Variants in ZNF362 observed in about 807,000 individuals in gnomAD.
The protein encoded by ZNF362 is rotund homolog.
ZNF362 carries 11 observed loss-of-function variants against 42.9 expected under a neutral mutation model. The ratio of observed to expected loss-of-function variants is 0.26; its 90% confidence interval spans 0.16 to 0.42. The LOEUF (loss-of-function observed/expected upper bound fraction) is 0.42. Ranked by LOEUF, ZNF362 falls within the 20% of genes least tolerant of loss-of-function variation. The pLI, the probability that ZNF362 is intolerant of heterozygous loss-of-function variation, is 1.00. For synonymous variants in ZNF362, 255 were observed against 257.3 expected (o/e 0.99, Z 0.09); for missense variants, 362 against 576.2 (o/e 0.63, Z 3.81).
chr1:33,285,480 TA>T (rs537194187), intron 6 of ZNF362, among the ~76,000 whole-genome samples: 2 of 152,158 alleles, frequency 1.3e-5, no homozygotes, highest in South Asian at 4.1e-4. Context: ...TTTAATCCCA[TA>T]AAGCATTATC....
At chr1:33,268,225 A>C (rs1023757343) in intron 1 of ZNF362, among the ~76,000 whole-genome samples, 1 of 152,186 alleles carries the variant, frequency 6.6e-6, no homozygotes, top group Non-Finnish European at 1.5e-5. Context: ...ACTTAGACAC[A>C]GGAAATAGTA....
At chr1:33,248,962 A>G in the ZNF362 span, among the ~76,000 whole-genome samples, 1 of 152,226 alleles carries the variant, frequency 6.6e-6, no homozygotes, top group Admixed American at 6.5e-5. Context: ...CTCACCTTCA[A>G]AAATTCAATC....
the ZNF362 span, among the ~76,000 whole-genome samples, chr1:33,129,413 A>G: frequency 2.0e-5 from 3 of 152,324 alleles, no homozygotes; most frequent in South Asian, 4.1e-4. This position sits in a 1 kb window ranked among gnomAD's most constrained non-coding sequence, Gnocchi z 4.1. Context: ...TAAAGGCGGT[A>G]CACAGACTGT....
At chr1:33,242,004 C>T in the ZNF362 span, among the ~76,000 whole-genome samples, 1 of 152,168 alleles carries the variant, frequency 6.6e-6, no homozygotes, top group South Asian at 2.1e-4. Flanking sequence ...TGAGCCAACC[C>T]TTGTGGGTGA....
chr1:33,267,118 C>T (rs1645870077), intron 1 of ZNF362, among the ~76,000 whole-genome samples: 1 of 152,038 alleles, frequency 6.6e-6, no homozygotes, highest in South Asian at 2.1e-4. Flanking sequence ...CTCCCTGAGC[C>T]CCACTCTCCT....
chr1:33,266,841 C>CT lies in ZNF362; in HGVS notation c.-88-3645dup, dbSNP rs1399057963. Among the ~76,000 whole-genome samples the CT allele has an allele frequency of 6.6e-6, 1 of 152,196 alleles. No homozygotes were observed. On this transcript the variant is annotated intron_variant, in intron 1 of 8. Coordinates refer to ENST00000539719, the MANE Select transcript of ZNF362 (RefSeq NM_152493.3). The surrounding 1 kb of genome is among the most constrained non-coding windows in gnomAD (Gnocchi z 4.3). Reference sequence around the variant, plus strand: ...GGAGGGATGCTGCCAAGGAGCACACCTGGTGAGATGAGTGTGGCCAGGGGA... The same window carrying CT: ...GGAGGGATGCTGCCAAGGAGCACACCTTGGTGAGATGAGTGTGGCCAGGGGA...
At chr1:33,164,473 C>T in the ZNF362 span, 1 of 152,416 alleles carries the variant, frequency 6.6e-6, no homozygotes, top group Middle Eastern at 3.1e-3. Context: ...GCAGTCCCCA[C>T]TGGACAGATG....
chr1:33,166,566 C>T, the ZNF362 span, among the ~76,000 whole-genome samples: 1 of 152,126 alleles, frequency 6.6e-6, no homozygotes, highest in Non-Finnish European at 1.5e-5. Context: ...TTATTATCTC[C>T]ATCTTCTGAT....
the ZNF362 span, among the ~76,000 whole-genome samples, chr1:33,241,422 G>T: frequency 2.4e-4 from 36 of 151,780 alleles, no homozygotes; most frequent in African/African-American, 8.0e-4. Flanking sequence ...TTCTACCTGT[G>T]GGGGAGGAGG....
chr1:33,130,469 C>T, the ZNF362 span, among the ~76,000 whole-genome samples: 2 of 152,178 alleles, frequency 1.3e-5, no homozygotes, highest in Admixed American at 1.3e-4. Flanking sequence ...GTGGGTAGGT[C>T]TATGTGTCAA....
the ZNF362 span, chr1:33,146,015 T>G: frequency 1.2e-5 from 5 of 425,924 alleles, no homozygotes; most frequent in Non-Finnish European, 2.4e-5. Flanking sequence ...GCACGGACCG[T>G]GGCAGAGGGA....
At chr1:33,134,728 G>A in the ZNF362 span, among the ~76,000 whole-genome samples, 1 of 152,316 alleles carries the variant, frequency 6.6e-6, no homozygotes, top group East Asian at 1.9e-4. Context: ...CTGGGTTCTT[G>A]GCCCACAGCA....
chr1:33,172,171 C>T, the ZNF362 span, among the ~76,000 whole-genome samples: 1 of 152,222 alleles, frequency 6.6e-6, no homozygotes, highest in Middle Eastern at 3.2e-3. Flanking sequence ...ACATGACGTA[C>T]AGGGTGAGCT....
chr1:33,278,000 C>T (rs1645964202), intron 4 of ZNF362, among the ~76,000 whole-genome samples: 1 of 152,100 alleles, frequency 6.6e-6, no homozygotes, highest in Non-Finnish European at 1.5e-5. Context: ...CCAGAGTGAC[C>T]CAAGAATTAC....
chr1:33,131,331 A>G, the ZNF362 span, among the ~76,000 whole-genome samples: 2 of 152,230 alleles, frequency 1.3e-5, no homozygotes, highest in South Asian at 4.1e-4. Flanking sequence ...CATACTGTTC[A>G]TAACTTGGTT....
chr1:33,278,044 A>G (rs1645964588), intron 4 of ZNF362, among the ~76,000 whole-genome samples: 1 of 151,928 alleles, frequency 6.6e-6, no homozygotes. Context: ...CCCCAGCCGC[A>G]CTCTGTATGT....
At chr1:33,229,314 G>C in the ZNF362 span, among the ~76,000 whole-genome samples, 1 of 151,992 alleles carries the variant, frequency 6.6e-6, no homozygotes, top group African/African-American at 2.4e-5. Flanking sequence ...ATTCTAGAAA[G>C]AGCTTATTAG....
intron 1 of ZNF362, among the ~76,000 whole-genome samples, chr1:33,268,141 G>A (rs530543111): frequency 6.6e-6 from 1 of 152,242 alleles, no homozygotes; most frequent in East Asian, 1.9e-4. Flanking sequence ...GGGTTGGCTC[G>A]TCTTTAGAGA....
chr1:33,175,149 G>A, the ZNF362 span, among the ~76,000 whole-genome samples: 1 of 151,244 alleles, frequency 6.6e-6, no homozygotes, highest in Non-Finnish European at 1.5e-5. Flanking sequence ...AGCGATTCTC[G>A]TGCCTCAGCC....
Sources: allele counts gnomAD v4.1 joint callset (sites outside exome capture counted in the v4.1 genomes callset), GRCh38; gene constraint gnomAD v4.1.1; non-coding constraint Gnocchi (gnomAD v3.1); transcripts MANE v1.5; gene names NCBI Gene and HGNC (gene_info 2026-07-23, HGNC 2026-07-21).